Variants in LRRC37A2 observed in about 807,000 individuals in gnomAD.
The protein encoded by LRRC37A2 is leucine-rich repeat-containing protein 37A2.
A neutral mutation model predicts 68.8 loss-of-function variants in LRRC37A2; 9 were observed. That is an observed-to-expected ratio of 0.13 (90% CI 0.08 to 0.23). The LOEUF (loss-of-function observed/expected upper bound fraction) is 0.23. LRRC37A2 is among the 10% of genes least tolerant of loss of function. The pLI is 1.00. For synonymous variants in LRRC37A2, 63 were observed against 367.6 expected (o/e 0.17, Z 9.48); for missense variants, 168 against 950.4 (o/e 0.18, Z 10.82).
chr17:46,708,306 A>T, the LRRC37A2 span, among the ~76,000 whole-genome samples: 1 of 152,010 alleles, frequency 6.6e-6, no homozygotes, highest in Admixed American at 6.6e-5. Flanking sequence ...TTACATTCCC[A>T]CCAGTGGTGC....
At chr17:46,776,393 C>T in the LRRC37A2 span, among the ~76,000 whole-genome samples, 3 of 152,230 alleles carry the variant, frequency 2.0e-5, no homozygotes, top group Admixed American at 6.5e-5. Flanking sequence ...TATTATGGGC[C>T]TATCATGTGC....
the LRRC37A2 span, among the ~76,000 whole-genome samples, chr17:46,797,316 T>C: frequency 6.6e-6 from 1 of 151,486 alleles, no homozygotes; most frequent in African/African-American, 2.4e-5. Flanking sequence ...TGGGAGAGAG[T>C]GGAAGTGAGG....
chr17:47,034,998 C>G, the LRRC37A2 span: 1 of 152,002 alleles, frequency 6.6e-6, no homozygotes, highest in African/African-American at 2.4e-5. Flanking sequence ...AGGGGGATCA[C>G]AAGGCAGGAC....
At chr17:47,024,228 C>T in the LRRC37A2 span, among the ~76,000 whole-genome samples, 5 of 152,156 alleles carry the variant, frequency 3.3e-5, no homozygotes, top group Non-Finnish European at 7.3e-5. Flanking sequence ...ATGTTATGTG[C>T]ACTTTATGCA....
At chr17:46,801,584 C>A in the LRRC37A2 span, among the ~76,000 whole-genome samples, 2 of 126,782 alleles carry the variant, frequency 1.6e-5, no homozygotes, top group Non-Finnish European at 1.8e-5. Flanking sequence ...TGCGCCATTA[C>A]ACTCCACTCT....
chr17:46,722,285 T>TA, the LRRC37A2 span: 1 of 783,692 alleles, frequency 1.3e-6, no homozygotes, highest in Non-Finnish European at 2.2e-6. Context: ...TAAGATACGG[T>TA]TCTTACCTTC....
At chr17:46,938,667 C>T in the LRRC37A2 span, 15 of 1,613,920 alleles carry the variant, frequency 9.3e-6, no homozygotes, top group African/African-American at 4.0e-5. Flanking sequence ...TGCGGCTCAT[C>T]GAGAAGCGGG....
the LRRC37A2 span, among the ~76,000 whole-genome samples, chr17:46,743,145 T>C: frequency 6.6e-6 from 1 of 152,154 alleles, no homozygotes; most frequent in Non-Finnish European, 1.5e-5. Context: ...ACAGTAACCC[T>C]TGTGAAGCTG....
the LRRC37A2 span, among the ~76,000 whole-genome samples, chr17:46,467,638 C>T: frequency 2.0e-5 from 2 of 101,122 alleles, no homozygotes; most frequent in South Asian, 4.3e-4. Flanking sequence ...TTAATTATAG[C>T]CAGCCTTTTC....
the LRRC37A2 span, chr17:46,973,165 A>T: frequency 6.5e-6 from 1 of 153,522 alleles, no homozygotes; most frequent in Middle Eastern, 5.2e-4. Flanking sequence ...CCAAAACTGG[A>T]ATGCCGGATG....
the LRRC37A2 span, among the ~76,000 whole-genome samples, chr17:46,991,478 AT>A: frequency 6.6e-6 from 1 of 152,040 alleles, no homozygotes; most frequent in Non-Finnish European, 1.5e-5. Flanking sequence ...AATACAAAAA[AT>A]TAGCCGGGTG....
chr17:46,940,512 A>G, the LRRC37A2 span: 22 of 1,613,846 alleles, frequency 1.4e-5, no homozygotes, highest in Non-Finnish European at 1.9e-5. Flanking sequence ...AATCCATAAA[A>G]TGGATTCTGA....
chr17:46,488,630 A>G, the LRRC37A2 span, among the ~76,000 whole-genome samples: 1 of 121,086 alleles, frequency 8.3e-6, no homozygotes, highest in Admixed American at 8.4e-5. Flanking sequence ...GCTTGAACCC[A>G]GGAGGCAGAG....
At chr17:47,037,555 ACATT>A in the LRRC37A2 span, among the ~76,000 whole-genome samples, 1 of 152,204 alleles carries the variant, frequency 6.6e-6, no homozygotes, top group Non-Finnish European at 1.5e-5. Flanking sequence ...TTTTCCATCT[ACATT>A]CATAAGAAAT....
At chr17:46,802,694 C>A in the LRRC37A2 span, among the ~76,000 whole-genome samples, 3 of 152,086 alleles carry the variant, frequency 2.0e-5, no homozygotes, top group African/African-American at 7.2e-5. Flanking sequence ...GGAATGAAGC[C>A]CCCATACAAG....
chr17:46,857,918 A>G, the LRRC37A2 span, among the ~76,000 whole-genome samples: 7 of 118,018 alleles, frequency 5.9e-5, no homozygotes, highest in Admixed American at 2.6e-4. Context: ...TTCTTTATGT[A>G]TTTTGTTGTT....
the LRRC37A2 span, among the ~76,000 whole-genome samples, chr17:46,967,354 A>G: frequency 6.6e-6 from 1 of 152,356 alleles, no homozygotes; most frequent in East Asian, 1.9e-4. Context: ...GAGAGTTAAT[A>G]CATGAACAGA....
chr17:46,885,819 C>T, the LRRC37A2 span: 1 of 152,402 alleles, frequency 6.6e-6, no homozygotes, highest in Non-Finnish European at 1.5e-5. Flanking sequence ...TCCTTATTGC[C>T]CCTGCTACTT....
At chr17:46,768,271 G>A in the LRRC37A2 span, 16 of 1,611,204 alleles carry the variant, frequency 9.9e-6, no homozygotes, top group South Asian at 2.2e-5. This position sits in a 1 kb window ranked among gnomAD's most constrained non-coding sequence, Gnocchi z 5.0. Context: ...CATTCCCTGC[G>A]CCCAGGCTCC....
Sources: gnomAD v4.1 joint callset for allele counts (sites outside exome capture counted in the v4.1 genomes callset) on GRCh38, gnomAD v4.1.1 for gene constraint, Gnocchi (gnomAD v3.1) non-coding constraint, MANE v1.5 for transcripts, NCBI Gene and HGNC (gene_info 2026-07-23, HGNC 2026-07-21) for gene names.